The following ARB2A variants were observed in gnomAD, a reference collection of about 807,000 sequenced individuals.
The protein encoded by ARB2A is cotranscriptional regulator ARB2A.
the ARB2A span, among the ~76,000 whole-genome samples, chr5:93,646,740 G>A: frequency 1.3e-5 from 2 of 151,536 alleles, no homozygotes; most frequent in Non-Finnish European, 2.9e-5. Flanking sequence ...GATGTGATTC[G>A]AATGTTTCAG....
the ARB2A span, among the ~76,000 whole-genome samples, chr5:94,003,145 A>T: frequency 2.0e-5 from 3 of 152,166 alleles, no homozygotes; most frequent in Non-Finnish European, 4.4e-5. Context: ...ACAACTTCAA[A>T]AGCAGAAAAT....
At chr5:93,948,342 C>T in the ARB2A span, among the ~76,000 whole-genome samples, 1 of 152,096 alleles carries the variant, frequency 6.6e-6, no homozygotes, top group African/African-American at 2.4e-5. Flanking sequence ...TGTCCTTCAC[C>T]CACTTTTTGA....
At chr5:93,869,378 A>G in the ARB2A span, among the ~76,000 whole-genome samples, 2 of 152,178 alleles carry the variant, frequency 1.3e-5, no homozygotes, top group Non-Finnish European at 2.9e-5. Flanking sequence ...TATCTTAGAC[A>G]AAAAATGTTA....
chr5:94,035,232 T>TATACATATACAC, the ARB2A span, among the ~76,000 whole-genome samples: 5,726 of 151,588 alleles, frequency 0.038, 165 homozygotes, highest in Middle Eastern at 0.086. Context: ...TACATATACA[T>TATACATATACAC]ATACATATAC....
the ARB2A span, among the ~76,000 whole-genome samples, chr5:94,059,534 T>C: frequency 6.7e-6 from 1 of 149,254 alleles, no homozygotes; most frequent in Non-Finnish European, 1.5e-5. Flanking sequence ...GGCAGGAGAA[T>C]TGCTTGAACC....
At chr5:94,083,430 T>C in the ARB2A span, among the ~76,000 whole-genome samples, 1 of 152,038 alleles carries the variant, frequency 6.6e-6, no homozygotes, top group Non-Finnish European at 1.5e-5. Context: ...CATAATAACT[T>C]CAATATCTAC....
the ARB2A span, among the ~76,000 whole-genome samples, chr5:93,899,261 TC>T: frequency 6.6e-6 from 1 of 152,240 alleles, no homozygotes; most frequent in East Asian, 1.9e-4. Flanking sequence ...GAGCAGCTCA[TC>T]TACCTACAAA....
At chr5:94,016,819 A>T in the ARB2A span, among the ~76,000 whole-genome samples, 1 of 152,196 alleles carries the variant, frequency 6.6e-6, no homozygotes, top group South Asian at 2.1e-4. Flanking sequence ...ATAATTCACA[A>T]GTCAGGTAGG....
At chr5:93,829,271 T>C in the ARB2A span, among the ~76,000 whole-genome samples, 2 of 152,296 alleles carry the variant, frequency 1.3e-5, no homozygotes, top group South Asian at 2.1e-4. Flanking sequence ...GTTCCAGTTG[T>C]AGGGAGCAAC....
the ARB2A span, among the ~76,000 whole-genome samples, chr5:93,770,619 C>T: frequency 2.0e-5 from 3 of 152,126 alleles, no homozygotes; most frequent in Non-Finnish European, 2.9e-5. Context: ...TCTCAGGATA[C>T]AAAATCAATG....
chr5:93,656,397 C>A, the ARB2A span, among the ~76,000 whole-genome samples: 3 of 152,084 alleles, frequency 2.0e-5, no homozygotes, highest in Non-Finnish European at 4.4e-5. Flanking sequence ...GTGAAACGAT[C>A]ATAAAAAACA....
the ARB2A span, among the ~76,000 whole-genome samples, chr5:93,700,231 T>A: frequency 6.6e-5 from 10 of 152,126 alleles, no homozygotes; most frequent in Non-Finnish European, 1.3e-4. Context: ...CATGCATATA[T>A]CTTTACTGTA....
chr5:93,811,164 AC>A, the ARB2A span, among the ~76,000 whole-genome samples: 1 of 152,032 alleles, frequency 6.6e-6, no homozygotes, highest in Non-Finnish European at 1.5e-5. Flanking sequence ...GTATTAGAAG[AC>A]CGCTGTCTCT....
the ARB2A span, among the ~76,000 whole-genome samples, chr5:93,747,358 A>G: frequency 2.0e-5 from 3 of 152,114 alleles, no homozygotes; most frequent in Non-Finnish European, 4.4e-5. Context: ...TCTTTAGGAA[A>G]CTATGAACTG....
the ARB2A span, among the ~76,000 whole-genome samples, chr5:93,672,467 A>G: frequency 6.6e-6 from 1 of 151,518 alleles, no homozygotes; most frequent in Non-Finnish European, 1.5e-5. Flanking sequence ...TCACCACCAC[A>G]CCCAGCTAAT....
chr5:93,705,276 A>G, the ARB2A span, among the ~76,000 whole-genome samples: 34 of 152,298 alleles, frequency 2.2e-4, no homozygotes, highest in Admixed American at 1.0e-3. Context: ...CTCAAGGCAT[A>G]TATGTAATTC....
the ARB2A span, among the ~76,000 whole-genome samples, chr5:93,691,897 A>T: frequency 2.0e-5 from 3 of 152,236 alleles, no homozygotes; most frequent in African/African-American, 4.8e-5. Flanking sequence ...AAGAATTTTC[A>T]ACCCAGAATT....
the ARB2A span, among the ~76,000 whole-genome samples, chr5:93,783,005 A>T: frequency 5.9e-5 from 9 of 152,152 alleles, no homozygotes; most frequent in African/African-American, 1.9e-4. Flanking sequence ...ATTAGATGGA[A>T]GCTACACAGA....
At chr5:94,050,597 C>CAAAAA in the ARB2A span, 1 of 513,184 alleles carries the variant, frequency 1.9e-6, no homozygotes, top group South Asian at 2.8e-5. Context: ...TAAAAAGGAA[C>CAAAAA]AAAAAAAAAA....
Sources: gnomAD v4.1 joint callset for allele counts (sites outside exome capture counted in the v4.1 genomes callset) on GRCh38, gnomAD v4.1.1 for gene constraint, MANE v1.5 for transcripts, NCBI Gene and HGNC (gene_info 2026-07-23, HGNC 2026-07-21) for gene names.